The following ANXA8 variants were observed in gnomAD, a reference collection of about 807,000 sequenced individuals.
ANXA8 encodes the protein VAC-beta.
Under a neutral mutation model 26.8 loss-of-function variants are expected in ANXA8, and 9 were observed. The observed-to-expected ratio is 0.34, with a 90% confidence interval of 0.20 to 0.59. The LOEUF (loss-of-function observed/expected upper bound fraction) is 0.59, where lower values mean the gene tolerates loss of function less well. Among genes scored for constraint, ANXA8 ranks in the 20% least tolerant of loss-of-function variants. The probability of loss-of-function intolerance (pLI) is 0.84; values close to 1 mark genes in which losing one functional copy is unlikely to be tolerated. For synonymous variants in ANXA8, 39 were observed against 94.8 expected, an observed-to-expected ratio of 0.41 and a Z score of 3.42; for missense variants, 83 against 238.5, an observed-to-expected ratio of 0.35 and a Z score of 4.29.
chr10:47,581,461 T>C, the ANXA8 span: 4 of 544,622 alleles, frequency 7.3e-6, no homozygotes, highest in African/African-American at 4.0e-5. Context: ...ATACTTACCA[T>C]GTCTCCAAAG....
the ANXA8 span, chr10:47,589,391 C>G: frequency 6.8e-6 from 1 of 146,304 alleles, no homozygotes; most frequent in African/African-American, 2.8e-5. Context: ...AAGGAGGGAC[C>G]CAGACACAGT....
At chr10:47,733,265 TTCTTTCTTTCTTTC>T in the ANXA8 span, among the ~76,000 whole-genome samples, 2 of 112,286 alleles carry the variant, frequency 1.8e-5, no homozygotes, top group African/African-American at 7.2e-5. Context: ...CTTTCTTTCT[TTCTTTCTTTCTTTC>T]TTTCTTTCTT....
At chr10:47,974,195 T>C in the ANXA8 span, among the ~76,000 whole-genome samples, 1 of 150,200 alleles carries the variant, frequency 6.7e-6, no homozygotes, top group Non-Finnish European at 1.5e-5. Flanking sequence ...TTAGGTGACT[T>C]AGTCTGCTGA....
chr10:47,640,131 T>G, the ANXA8 span, among the ~76,000 whole-genome samples: 1 of 136,234 alleles, frequency 7.3e-6, no homozygotes, highest in Non-Finnish European at 1.5e-5. Context: ...ATTGTTTTAT[T>G]TAGTTGGTTT....
At chr10:47,497,670 G>A in the ANXA8 span, among the ~76,000 whole-genome samples, 1 of 146,220 alleles carries the variant, frequency 6.8e-6, no homozygotes, top group Non-Finnish European at 1.5e-5. Flanking sequence ...GGGCATGGTG[G>A]CTCACACCTG....
At chr10:47,584,975 A>G in the ANXA8 span, among the ~76,000 whole-genome samples, 1 of 147,272 alleles carries the variant, frequency 6.8e-6, no homozygotes, top group Admixed American at 6.6e-5. Context: ...GTAATCCTAG[A>G]TACTCAGGAG....
the ANXA8 span, among the ~76,000 whole-genome samples, chr10:47,756,584 TA>T: frequency 4.4e-4 from 66 of 149,922 alleles, no homozygotes; most frequent in African/African-American, 1.5e-3. Context: ...TACAGAGGGC[TA>T]AGATTTGGTG....
chr10:47,724,340 C>T, the ANXA8 span, among the ~76,000 whole-genome samples: 139 of 140,196 alleles, frequency 9.9e-4, 18 homozygotes, highest in Non-Finnish European at 1.8e-3. Flanking sequence ...ATTCTCCACC[C>T]GTTGGCAGTG....
At chr10:47,716,053 C>T in the ANXA8 span, among the ~76,000 whole-genome samples, 1 of 148,506 alleles carries the variant, frequency 6.7e-6, no homozygotes, top group Non-Finnish European at 1.5e-5. Flanking sequence ...ACCATCAGTG[C>T]ATGCCACCAC....
the ANXA8 span, among the ~76,000 whole-genome samples, chr10:47,699,372 GAA>G: frequency 7.9e-6 from 1 of 126,276 alleles, no homozygotes; most frequent in African/African-American, 3.0e-5. Context: ...AAAAAAGAAA[GAA>G]GAGGCATTTG....
the ANXA8 span, among the ~76,000 whole-genome samples, chr10:47,951,099 A>C: frequency 6.7e-6 from 1 of 150,206 alleles, no homozygotes; most frequent in African/African-American, 2.5e-5. Context: ...ATCACTAATA[A>C]AAGAGGGAAT....
chr10:47,659,446 G>A, the ANXA8 span, among the ~76,000 whole-genome samples: 22 of 151,562 alleles, frequency 1.5e-4, no homozygotes, highest in Non-Finnish European at 2.6e-4. Flanking sequence ...TTGGGAGGCC[G>A]AGGTGGGCGG....
chr10:47,756,585 A>G, the ANXA8 span, among the ~76,000 whole-genome samples: 5 of 149,816 alleles, frequency 3.3e-5, no homozygotes, highest in East Asian at 1.0e-3. Flanking sequence ...ACAGAGGGCT[A>G]AGATTTGGTG....
the ANXA8 span, among the ~76,000 whole-genome samples, chr10:47,968,717 T>C: frequency 6.6e-6 from 1 of 151,110 alleles, no homozygotes. Context: ...TGAATGACAA[T>C]CTTATCAACG....
the ANXA8 span, among the ~76,000 whole-genome samples, chr10:47,593,701 A>G: frequency 6.7e-6 from 1 of 149,418 alleles, no homozygotes; most frequent in African/African-American, 2.6e-5. Context: ...TCAATCACAT[A>G]CACCACTGTC....
the ANXA8 span, among the ~76,000 whole-genome samples, chr10:47,583,872 C>T: frequency 9.5e-4 from 130 of 137,234 alleles, no homozygotes; most frequent in African/African-American, 3.9e-3. Context: ...GCCTTACCTC[C>T]CAATTAAGGG....
chr10:47,707,302 A>G, the ANXA8 span, among the ~76,000 whole-genome samples: 79 of 143,750 alleles, frequency 5.5e-4, no homozygotes, highest in African/African-American at 1.8e-3. Context: ...GTTTTTGGAA[A>G]GGACTTCTGG....
chr10:47,644,872 C>A, the ANXA8 span, among the ~76,000 whole-genome samples: 1 of 150,734 alleles, frequency 6.6e-6, no homozygotes, highest in Non-Finnish European at 1.5e-5. Flanking sequence ...AGGTTAAAAC[C>A]ATTTTGTTAG....
chr10:47,679,804 T>C, the ANXA8 span, among the ~76,000 whole-genome samples: 3 of 151,830 alleles, frequency 2.0e-5, no homozygotes, highest in Non-Finnish European at 2.9e-5. Flanking sequence ...TGTAGTCCTG[T>C]CTACTCAGGT....
Sources: gnomAD v4.1 joint callset for allele counts (sites outside exome capture counted in the v4.1 genomes callset) on GRCh38, gnomAD v4.1.1 for gene constraint, MANE v1.5 for transcripts, NCBI Gene and HGNC (gene_info 2026-07-23, HGNC 2026-07-21) for gene names.